Variants in MED27 observed in about 807,000 individuals in gnomAD.
The protein encoded by MED27 is mediator complex subunit 27, also known as mediator of RNA polymerase II transcription subunit 27.
A neutral mutation model predicts 38.2 loss-of-function variants in MED27; 30 were observed. The ratio of observed to expected loss-of-function variants is 0.79; its 90% CI spans 0.59 to 1.07. The LOEUF (loss-of-function observed/expected upper bound fraction) is 1.07. MED27 is among the 50% of genes least tolerant of loss of function. MED27 has a pLI of 0.00. For missense variants in MED27, 289 were observed against 397.5 expected (o/e 0.73, Z 2.32); for synonymous variants, 122 against 153.5 (o/e 0.79, Z 1.52).
chr9:131,878,690 GCA>G (rs1481096109), intron 6 of MED27, among the ~76,000 whole-genome samples: 1 of 152,166 alleles, frequency 6.6e-6, no homozygotes, highest in South Asian at 2.1e-4. Context: ...GGATGAAAAT[GCA>G]CAGAGTTTTG....
At chr9:131,986,568 C>T (rs893318885) in intron 3 of MED27, among the ~76,000 whole-genome samples, 2 of 152,166 alleles carry the variant, frequency 1.3e-5, no homozygotes, top group African/African-American at 2.4e-5. Context: ...TTACCATTGT[C>T]TTACACTGCC....
rs552817434 is a variant in MED27, at chr9:131,889,912, A to G, written c.681+3973T>C. On this transcript the variant is annotated intron_variant, in intron 5 of 7. Coordinates refer to ENST00000292035, the MANE Select transcript of MED27 (RefSeq NM_004269.4). The surrounding 1 kb of genome is among the most constrained non-coding windows in gnomAD (Gnocchi z 4.2). ...AACACCCCCCTGCAGCCACCTAGGC[A>G]CCAACTCAGCAAACGCAGGCTGCGT... Among the ~76,000 whole-genome samples the G allele has an allele frequency of 2.3e-4, 35 of 152,308 alleles. No individual in the cohort carries two copies. The highest frequency in any genetic ancestry group is 8.4e-4 in the African/African-American group (35 of 41,568).
At chr9:131,875,030 G>A (rs967926990) in intron 6 of MED27, among the ~76,000 whole-genome samples, 2 of 152,198 alleles carry the variant, frequency 1.3e-5, no homozygotes, top group Non-Finnish European at 2.9e-5. Context: ...CCGCCAAGAG[G>A]CAGCTCAGCC....
At chr9:131,979,084 A>G (rs1358261613) in intron 3 of MED27, among the ~76,000 whole-genome samples, 5 of 152,332 alleles carry the variant, frequency 3.3e-5, no homozygotes, top group Admixed American at 6.5e-5. Flanking sequence ...TTGTACAGGC[A>G]AGTGATGAAC....
chr9:132,026,335 G>A (rs1832818035), intron 2 of MED27, among the ~76,000 whole-genome samples: 1 of 152,196 alleles, frequency 6.6e-6, no homozygotes, highest in African/African-American at 2.4e-5. Context: ...TACCCAATAA[G>A]TAGGCTGCCT....
At chr9:131,998,764 G>A (rs957901123) in intron 3 of MED27, among the ~76,000 whole-genome samples, 1 of 152,144 alleles carries the variant, frequency 6.6e-6, no homozygotes, top group African/African-American at 2.4e-5. Flanking sequence ...GATGTGTAAA[G>A]TCAGGTCCTG....
At chr9:131,967,609 A>G (rs1831376934) in intron 3 of MED27, among the ~76,000 whole-genome samples, 1 of 150,958 alleles carries the variant, frequency 6.6e-6, no homozygotes, top group African/African-American at 2.4e-5. Flanking sequence ...CTCCTGCTTC[A>G]GCCTTCTAAG....
chr9:132,077,878 T>A (rs1017173350), intron 1 of MED27, among the ~76,000 whole-genome samples: 1 of 152,102 alleles, frequency 6.6e-6, no homozygotes, highest in African/African-American at 2.4e-5. Flanking sequence ...CTCAAATTCA[T>A]CCCTGCAGTG....
At chr9:131,873,617 A>G (rs6597533) in intron 6 of MED27, among the ~76,000 whole-genome samples, 12,857 of 152,154 alleles carry the variant, frequency 0.084, 1,170 homozygotes, top group East Asian at 0.4. Context: ...TTAATGAAGG[A>G]GCCATTTGCA....
chr9:132,065,151 T>C (rs1475315063), intron 2 of MED27, among the ~76,000 whole-genome samples: 1 of 152,190 alleles, frequency 6.6e-6, no homozygotes, highest in Non-Finnish European at 1.5e-5. Flanking sequence ...GTGCGACCAT[T>C]TTCTCACACG....
chr9:131,991,744 C>T (rs879657219), intron 3 of MED27, among the ~76,000 whole-genome samples: 2 of 152,110 alleles, frequency 1.3e-5, no homozygotes, highest in Non-Finnish European at 2.9e-5. Flanking sequence ...TTATTTTAGA[C>T]GGAGTCTCGC....
At chr9:131,904,540 G>C (rs1358408004) in intron 4 of MED27, among the ~76,000 whole-genome samples, 4 of 150,938 alleles carry the variant, frequency 2.7e-5, no homozygotes, top group Admixed American at 1.3e-4. Context: ...AATAGAGATC[G>C]GGGGGGAGCG....
chr9:131,878,068 A>G (rs1194516127), intron 6 of MED27, among the ~76,000 whole-genome samples: 1 of 152,168 alleles, frequency 6.6e-6, no homozygotes, highest in Non-Finnish European at 1.5e-5. Flanking sequence ...TGAGATCAGG[A>G]GTTCAAGACC....
chr9:131,999,705 G>A (rs1832178444), intron 3 of MED27, among the ~76,000 whole-genome samples: 2 of 152,258 alleles, frequency 1.3e-5, no homozygotes, highest in South Asian at 4.1e-4. Flanking sequence ...AGACTTCAGT[G>A]CTTCAAAGAT....
chr9:131,991,518 C>T (rs1831971944), intron 3 of MED27, among the ~76,000 whole-genome samples: 1 of 152,086 alleles, frequency 6.6e-6, no homozygotes, highest in Non-Finnish European at 1.5e-5. Flanking sequence ...ATGATCTGTC[C>T]TCTCATAAAG....
intron 2 of MED27, among the ~76,000 whole-genome samples, chr9:132,067,053 C>T (rs780763212): frequency 2.0e-5 from 3 of 152,080 alleles, no homozygotes; most frequent in Non-Finnish European, 2.9e-5. Flanking sequence ...TAAAAATGAC[C>T]GAGGAAGAGA....
At chr9:131,940,389 T>A (rs1830765285) in intron 3 of MED27, among the ~76,000 whole-genome samples, 1 of 152,168 alleles carries the variant, frequency 6.6e-6, no homozygotes, top group Non-Finnish European at 1.5e-5. Context: ...TACAGCTTTC[T>A]GTTTTCTTAC....
chr9:131,973,856 C>T (rs890640229), intron 3 of MED27, among the ~76,000 whole-genome samples: 3 of 151,566 alleles, frequency 2.0e-5, no homozygotes, highest in Admixed American at 6.6e-5. Context: ...TATAGGTGGC[C>T]GCCACCACGC....
chr9:131,892,894 G>C (rs992606308), intron 5 of MED27, among the ~76,000 whole-genome samples: 14 of 152,156 alleles, frequency 9.2e-5, no homozygotes, highest in Admixed American at 9.2e-4. Context: ...GGAAATTTAC[G>C]AGAACTGGGC....
Sources: allele counts gnomAD v4.1 joint callset (sites outside exome capture counted in the v4.1 genomes callset), GRCh38; gene constraint gnomAD v4.1.1; non-coding constraint Gnocchi (gnomAD v3.1); transcripts MANE v1.5; gene names NCBI Gene and HGNC (gene_info 2026-07-23, HGNC 2026-07-21).